The following FBXL7 variants were observed in gnomAD, a reference collection of about 807,000 sequenced individuals.
FBXL7 encodes the protein F-box/LRR-repeat protein 7.
Under a neutral mutation model 38.3 loss-of-function variants are expected in FBXL7, and 12 were observed. The observed-to-expected ratio is 0.31, with a 90% confidence interval of 0.20 to 0.51. The LOEUF (loss-of-function observed/expected upper bound fraction) is 0.51. Ranked by LOEUF, FBXL7 falls within the 20% of genes least tolerant of loss-of-function variation. The pLI is 0.98. For missense variants in FBXL7, 567 were observed against 676.4 expected (o/e 0.84, Z 1.79); for synonymous variants, 297 against 300.9 (o/e 0.99, Z 0.13).
chr5:15,586,084 C>T (rs1335578297), intron 1 of FBXL7, among the ~76,000 whole-genome samples: 1 of 152,146 alleles, frequency 6.6e-6, no homozygotes, highest in Non-Finnish European at 1.5e-5. Context: ...CCAAGTTGGG[C>T]TCCAATATTT....
chr5:15,523,618 C>T (rs916581607), intron 1 of FBXL7, among the ~76,000 whole-genome samples: 1 of 151,942 alleles, frequency 6.6e-6, no homozygotes, highest in South Asian at 2.1e-4. Flanking sequence ...TCACGTGGGG[C>T]TCCTCTTTGT....
chr5:15,698,442 G>A lies in FBXL7; in HGVS notation c.127+82370G>A, dbSNP rs186647296. On this transcript the variant is annotated intron_variant, in intron 2 of 3. Transcript: ENST00000504595. The stretch of plus-strand genomic sequence containing the variant: ...AAAATCTCAGAGCTAGAATAATGAC[G>A]CCCAAGAGCTAATCTAAAGACCTTT... Among the ~76,000 whole-genome samples the A allele has an allele frequency of 4.6e-5, 7 of 152,256 alleles. No homozygotes were observed. In the East Asian group the frequency reaches 1.4e-3, roughly 29 times the overall value.
At chr5:15,544,832 A>G (rs1737855455) in intron 1 of FBXL7, among the ~76,000 whole-genome samples, 1 of 152,194 alleles carries the variant, frequency 6.6e-6, no homozygotes, top group African/African-American at 2.4e-5. Flanking sequence ...TCCATGAATT[A>G]TGTGAATTGC....
intron 2 of FBXL7, among the ~76,000 whole-genome samples, chr5:15,654,415 A>C (rs991016171): frequency 8.2e-6 from 1 of 121,962 alleles, no homozygotes; most frequent in East Asian, 2.6e-4. Context: ...TTCATAAAAA[A>C]CTGAAAAAAA....
At chr5:15,519,769 T>C (rs543607056) in intron 1 of FBXL7, among the ~76,000 whole-genome samples, 2 of 152,288 alleles carry the variant, frequency 1.3e-5, no homozygotes, top group East Asian at 1.9e-4. Flanking sequence ...ACAGAGCTGG[T>C]GGTAATGGAA....
At chr5:15,763,394 A>C (rs2126701033) in intron 2 of FBXL7, among the ~76,000 whole-genome samples, 1 of 152,360 alleles carries the variant, frequency 6.6e-6, no homozygotes, top group South Asian at 2.1e-4. Context: ...TAAGTGTGTT[A>C]GAATTTTTGA....
At chr5:15,544,829 A>G (rs1335595713) in intron 1 of FBXL7, among the ~76,000 whole-genome samples, 2 of 152,136 alleles carry the variant, frequency 1.3e-5, no homozygotes, top group Non-Finnish European at 2.9e-5. Context: ...TGCTCCATGA[A>G]TTATGTGAAT....
intron 2 of FBXL7, among the ~76,000 whole-genome samples, chr5:15,623,322 C>A (rs1238055853): frequency 6.6e-6 from 1 of 152,204 alleles, no homozygotes; most frequent in Non-Finnish European, 1.5e-5. Flanking sequence ...ACATTTCAGT[C>A]AACTCATGAT....
intron 2 of FBXL7, among the ~76,000 whole-genome samples, chr5:15,841,429 GA>G (rs1328787420): frequency 6.6e-6 from 1 of 151,840 alleles, no homozygotes; most frequent in Non-Finnish European, 1.5e-5. Context: ...AACATAAATA[GA>G]AAAAAATGAA....
chr5:15,843,724 AT>A (rs1377163401), intron 2 of FBXL7, among the ~76,000 whole-genome samples: 5 of 152,122 alleles, frequency 3.3e-5, no homozygotes, highest in Non-Finnish European at 5.9e-5. Context: ...TTTCATTGAA[AT>A]TTTAAAATCT....
intron 2 of FBXL7, among the ~76,000 whole-genome samples, chr5:15,765,380 C>T (rs1028384275): frequency 6.6e-6 from 1 of 152,112 alleles, no homozygotes; most frequent in South Asian, 2.1e-4. Flanking sequence ...ACACTTTTGT[C>T]TGACAGAAAA....
chr5:15,702,826 G>C (rs929128244), intron 2 of FBXL7, among the ~76,000 whole-genome samples: 1 of 151,916 alleles, frequency 6.6e-6, no homozygotes, highest in African/African-American at 2.4e-5. Flanking sequence ...AGCTGAGTCC[G>C]AAAAGAGAGT....
intron 2 of FBXL7, among the ~76,000 whole-genome samples, chr5:15,810,175 AT>A (rs1466153214): frequency 1.3e-5 from 2 of 152,106 alleles, no homozygotes; most frequent in Admixed American, 6.6e-5. Context: ...TCTTATTTTT[AT>A]TTTTTTCTAG....
At chr5:15,661,239 A>T (rs1386076200) in intron 2 of FBXL7, among the ~76,000 whole-genome samples, 1 of 152,172 alleles carries the variant, frequency 6.6e-6, no homozygotes, top group Non-Finnish European at 1.5e-5. Context: ...GTTGAATTTT[A>T]TGGGTTGACT....
At chr5:15,768,719 G>C (rs1736656434) in intron 2 of FBXL7, among the ~76,000 whole-genome samples, 1 of 152,146 alleles carries the variant, frequency 6.6e-6, no homozygotes, top group Non-Finnish European at 1.5e-5. Context: ...TCATGGTGTG[G>C]TGTGTTTCTC....
At chr5:15,854,213 G>A (rs1193078624) in intron 2 of FBXL7, among the ~76,000 whole-genome samples, 3 of 152,152 alleles carry the variant, frequency 2.0e-5, no homozygotes, top group Admixed American at 2.0e-4. Flanking sequence ...GACACATATA[G>A]GGCCTCAGCA....
chr5:15,680,301 A>T lies in FBXL7; in HGVS notation c.127+64229A>T, dbSNP rs117638235. 6.9e-4 allele frequency among the ~76,000 whole-genome samples: 105 copies of T among 152,314 alleles called. No individual in the cohort carries two copies. In the East Asian group the frequency reaches 0.019, roughly 27 times the overall value. ...TTGGGTAAAATTCTTTTAGTATATA[A>T]GAAGGTGCTAAAGTTATAATCAAAA... is the stretch of plus-strand genomic sequence containing the variant. On this transcript the variant is annotated intron_variant, in intron 2 of 3. Transcript: ENST00000504595.
intron 2 of FBXL7, among the ~76,000 whole-genome samples, chr5:15,631,167 CT>C (rs1221007823): frequency 2.0e-5 from 3 of 152,132 alleles, no homozygotes; most frequent in Non-Finnish European, 4.4e-5. Context: ...ACCAAATTTA[CT>C]TTCTTTTCCT....
At chr5:15,528,013 T>C (rs567528724) in intron 1 of FBXL7, among the ~76,000 whole-genome samples, 2 of 152,338 alleles carry the variant, frequency 1.3e-5, no homozygotes, top group African/African-American at 4.8e-5. Context: ...TCTAACATGT[T>C]TATAATTTTC....
Sources: allele counts gnomAD v4.1 joint callset (sites outside exome capture counted in the v4.1 genomes callset), GRCh38; gene constraint gnomAD v4.1.1; transcripts MANE v1.5; gene names NCBI Gene and HGNC (gene_info 2026-07-23, HGNC 2026-07-21).